NRP2: variants seen among roughly 807,000 people sequenced by gnomAD.
NRP2 encodes the protein neuropilin-2.
Under a neutral mutation model 110.4 loss-of-function variants are expected in NRP2, and 52 were observed. The ratio of observed to expected loss-of-function variants is 0.47; its 90% CI spans 0.38 to 0.59. The LOEUF is 0.59. NRP2 is among the 20% of genes least tolerant of loss of function. The pLI is 0.00. For missense variants in NRP2, 1,049 were observed against 1,203.0 expected (o/e 0.87, Z 1.89); for synonymous variants, 508 against 468.9 (o/e 1.08, Z -1.08).
chr2:205,761,657 C>T (rs188824132), intron 12 of NRP2, among the ~76,000 whole-genome samples: 1 of 152,310 alleles, frequency 6.6e-6, no homozygotes, highest in East Asian at 1.9e-4. Flanking sequence ...GTGGGGAAGC[C>T]AGTTTGCCTC....
intron 1 of NRP2, among the ~76,000 whole-genome samples, chr2:205,692,165 A>G (rs1184839434): frequency 6.6e-6 from 1 of 152,160 alleles, no homozygotes; most frequent in Non-Finnish European, 1.5e-5. Flanking sequence ...TTATCATTTC[A>G]AAAGTTCAGA....
In NRP2 at chr2:205,745,233, A is replaced by G. The variant is rs76834349; in HGVS notation, c.1642-513A>G. On this transcript the variant is annotated intron_variant, in intron 9 of 16. Transcript: ENST00000357785. ...AAGACTATCGATGTGTGACCAGAAG[A>G]CAGTGTCATTGGCCTAGGGGTCATT... 6.5e-3 allele frequency among the ~76,000 whole-genome samples: 990 copies of G among 152,336 alleles called. 17 individuals are homozygous for G. Among genetic ancestry groups the G allele is most frequent in the Non-Finnish European group, 9.0e-3 (615 of 68,026 alleles).
chr2:205,700,781 T>G (rs779041498), intron 2 of NRP2: 1 of 518,104 alleles, frequency 1.9e-6, no homozygotes, highest in African/African-American at 1.9e-5. Context: ...GGCCACCATC[T>G]CTGGTGAACT....
chr2:205,765,851 C>A (rs2057909739), intron 14 of NRP2: 2 of 526,514 alleles, frequency 3.8e-6, no homozygotes, highest in African/African-American at 1.9e-5. Context: ...CCTCAGCAAA[C>A]CCCAGCTTTT....
In NRP2 at chr2:205,776,335, G is replaced by A. The variant is rs766828207; in HGVS notation, c.2425+9532G>A. The A allele has an allele frequency of 7.4e-6, 12 of 1,612,664 alleles. No homozygotes were observed. The Admixed American group carries it at 1.5e-4, about 20-fold the overall frequency. Reference sequence around the variant, plus strand: ...CTACTGGTATTACGTAATGGCCGCCGGGGGCGCCGTGCTGGTGCTGGTCTC... The same window carrying A: ...CTACTGGTATTACGTAATGGCCGCCAGGGGCGCCGTGCTGGTGCTGGTCTC... On this transcript the variant is annotated intron_variant, in intron 15 of 16. Transcript: ENST00000357785.
At chr2:205,684,603 A>G (rs187870311) in intron 1 of NRP2, among the ~76,000 whole-genome samples, 168 of 152,062 alleles carry the variant, frequency 1.1e-3, no homozygotes, top group African/African-American at 3.9e-3. Flanking sequence ...TTGGGCATTT[A>G]TTTGAGGGGG....
At chr2:205,753,417 G>A (rs2057684377) in intron 12 of NRP2, among the ~76,000 whole-genome samples, 1 of 152,118 alleles carries the variant, frequency 6.6e-6, no homozygotes, top group Admixed American at 6.5e-5. Context: ...CGTCTCTGAG[G>A]GTGCCACTGC....
chr2:205,775,963 A>G (rs931638928), intron 15 of NRP2, among the ~76,000 whole-genome samples: 7 of 152,320 alleles, frequency 4.6e-5, no homozygotes, highest in Admixed American at 2.6e-4. Flanking sequence ...CATACTTACT[A>G]TTTAACTAGC....
At chr2:205,731,006 C>A (rs2057228387) in intron 7 of NRP2, among the ~76,000 whole-genome samples, 1 of 152,234 alleles carries the variant, frequency 6.6e-6, no homozygotes, top group Non-Finnish European at 1.5e-5. Context: ...CACACTGTTG[C>A]TGGGGCATTG....
Position 205,748,211 on chromosome 2 carries a change from G to A in NRP2, c.1787-1514G>A, listed in dbSNP as rs79085508. 7.1e-3 allele frequency among the ~76,000 whole-genome samples: 1,083 copies of A among 152,184 alleles called. 15 individuals carry two copies. The highest frequency in any genetic ancestry group is 0.025 in the African/African-American group (1,030 of 41,496). Reference sequence around the variant, plus strand: ...CCAGAAACTGTTCTCCATAGGTCACGTGGCTATGTTTGCTTTTCGAATTTC... The same window carrying A: ...CCAGAAACTGTTCTCCATAGGTCACATGGCTATGTTTGCTTTTCGAATTTC... On this transcript the variant is annotated intron_variant, in intron 10 of 16. Transcript: ENST00000357785.
intron 15 of NRP2, among the ~76,000 whole-genome samples, chr2:205,773,751 C>G (rs1336003524): frequency 1.3e-5 from 2 of 152,166 alleles, no homozygotes; most frequent in Non-Finnish European, 2.9e-5. Context: ...GCACTTTAAG[C>G]CATAGGTTGT....
intron 13 of NRP2, 136 bp from the exon 14 acceptor site, chr2:205,765,338 C>G: frequency 2.7e-6 from 2 of 749,556 alleles, no homozygotes; most frequent in Non-Finnish European, 4.8e-6. Flanking sequence ...CAGATGTGTA[C>G]CAGGTGCAAT....
chr2:205,758,453 C>A (rs1180715620), intron 12 of NRP2, among the ~76,000 whole-genome samples: 1 of 152,204 alleles, frequency 6.6e-6, no homozygotes, highest in Admixed American at 6.5e-5. Flanking sequence ...GTTCACATGA[C>A]ACTTAAGCAG....
Position 205,752,888 on chromosome 2 carries a change from G to A in NRP2, c.1957G>A (p.Glu653Lys), listed in dbSNP as rs1296878903. The A allele has an allele frequency of 2.5e-6, 4 of 1,614,156 alleles. No individual in the cohort carries two copies. The highest frequency in any genetic ancestry group is 3.4e-6 in the Non-Finnish European group (4 of 1,180,048). Residue 653 changes from glutamate to lysine, a missense_variant, in exon 12 of 17, where the codon GAG becomes AAG. Transcript: ENST00000357785. ...CAATTGCAACTTCGATTTCCTCGAG[G>A]AGCCCTGTGGTTGGATGTATGACCA... The part of the protein sequence containing the change: ...GFNCNFDFLE[E>K]PCGWMYDHAK...
At chr2:205,754,833 A>G (rs1056495716) in intron 12 of NRP2, among the ~76,000 whole-genome samples, 1 of 151,774 alleles carries the variant, frequency 6.6e-6, no homozygotes, top group Non-Finnish European at 1.5e-5. Flanking sequence ...TGTGGTATGT[A>G]CCTCAGCAGA....
At chr2:205,722,326 G>A (rs1412107569) in intron 3 of NRP2, 152 bp from the exon 4 acceptor site, 5 of 698,706 alleles carry the variant, frequency 7.2e-6, no homozygotes, top group South Asian at 1.5e-5. Flanking sequence ...AAACGTGCAT[G>A]TGAAGAGTAT....
intron 15 of NRP2, among the ~76,000 whole-genome samples, chr2:205,771,363 C>T (rs1415092082): frequency 6.6e-6 from 1 of 152,202 alleles, no homozygotes; most frequent in Non-Finnish European, 1.5e-5. Context: ...GAGGAGCCAA[C>T]CTTTTTCGTT....
intron 7 of NRP2, among the ~76,000 whole-genome samples, chr2:205,732,083 T>C (rs7605142): frequency 3.7e-4 from 57 of 152,254 alleles, no homozygotes; most frequent in South Asian, 2.1e-3. Flanking sequence ...TTGAGGGAAA[T>C]TGGCTTCCTA....
At chr2:205,729,604 C>T (rs955391280) in intron 7 of NRP2, among the ~76,000 whole-genome samples, 24 of 152,124 alleles carry the variant, frequency 1.6e-4, no homozygotes, top group African/African-American at 5.3e-4. Flanking sequence ...CCTGTCCAGG[C>T]GCAATGACTA....
Sources: gnomAD v4.1 joint callset for allele counts (sites outside exome capture counted in the v4.1 genomes callset) on GRCh38, gnomAD v4.1.1 for gene constraint, MANE v1.5 for transcripts, NCBI Gene and HGNC (gene_info 2026-07-23, HGNC 2026-07-21) for gene names.